Variants in AKT3 observed in about 807,000 individuals in gnomAD.
AKT3 encodes RAC-gamma serine/threonine-protein kinase.
A neutral mutation model predicts 65.3 loss-of-function variants in AKT3; 15 were observed. That is an observed-to-expected ratio of 0.23 (90% confidence interval 0.15 to 0.35). The LOEUF is 0.35. Among genes scored for constraint, AKT3 ranks in the 10% least tolerant of loss-of-function variants. The pLI is 1.00. For missense variants in AKT3, 243 were observed against 576.5 expected (o/e 0.42, Z 5.92); for synonymous variants, 206 against 183.8 (o/e 1.12, Z -0.98).
At chr1:243,653,593 G>A (rs1045899752) in intron 4 of AKT3, among the ~76,000 whole-genome samples, 3 of 152,160 alleles carry the variant, frequency 2.0e-5, no homozygotes, top group Non-Finnish European at 2.9e-5. Flanking sequence ...TGAGTGTAGT[G>A]TTCTATAAAT....
chr1:243,674,357 T>C (rs375770197), intron 3 of AKT3, among the ~76,000 whole-genome samples: 6 of 151,890 alleles, frequency 4.0e-5, no homozygotes, highest in African/African-American at 1.2e-4. Context: ...TGAACAATGA[T>C]AGCATTACTA....
intron 4 of AKT3, among the ~76,000 whole-genome samples, chr1:243,662,361 G>A (rs1264997755): frequency 6.6e-6 from 1 of 152,018 alleles, no homozygotes; most frequent in Non-Finnish European, 1.5e-5. Flanking sequence ...ATACACCATG[G>A]AATACTATGC....
At chr1:243,842,786 G>A (rs374267171) in intron 2 of AKT3, among the ~76,000 whole-genome samples, 10 of 151,980 alleles carry the variant, frequency 6.6e-5, no homozygotes, top group Admixed American at 2.6e-4. Flanking sequence ...ATATAGGATC[G>A]TACTTTTACA....
intron 9 of AKT3, among the ~76,000 whole-genome samples, chr1:243,565,220 G>T (rs1387030067): frequency 2.0e-5 from 3 of 152,002 alleles, no homozygotes; most frequent in Non-Finnish European, 4.4e-5. Context: ...AAAATATACT[G>T]CTGAACCTTT....
At chr1:243,520,295 G>A (rs1670640674) in intron 12 of AKT3, among the ~76,000 whole-genome samples, 1 of 152,198 alleles carries the variant, frequency 6.6e-6, no homozygotes, top group Non-Finnish European at 1.5e-5. Context: ...ACGGCCATCT[G>A]CAAGCCACGG....
At chr1:243,750,651 A>G (rs185866186) in intron 2 of AKT3, among the ~76,000 whole-genome samples, 22 of 149,212 alleles carry the variant, frequency 1.5e-4, no homozygotes, top group Admixed American at 1.2e-3. Flanking sequence ...GCACAATCTC[A>G]GTTCACTGCA....
At chr1:243,567,487 CTTT>C (rs993323556) in intron 9 of AKT3, among the ~76,000 whole-genome samples, 1 of 122,316 alleles carries the variant, frequency 8.2e-6, no homozygotes, top group African/African-American at 3.2e-5. Context: ...TTGTTTCTTC[CTTT>C]TTTTTTTTTT....
chr1:243,748,832 C>A (rs1688632409), intron 2 of AKT3, among the ~76,000 whole-genome samples: 1 of 152,012 alleles, frequency 6.6e-6, no homozygotes, highest in Admixed American at 6.6e-5. Context: ...TTTCAAAGCC[C>A]CAATCTTGAG....
intron 6 of AKT3, among the ~76,000 whole-genome samples, chr1:243,620,661 C>A (rs1162196152): frequency 6.6e-6 from 1 of 152,146 alleles, no homozygotes; most frequent in Non-Finnish European, 1.5e-5. Flanking sequence ...AGCTGTCAGA[C>A]TGTCTTCTGT....
At chr1:243,757,815 T>C (rs777074293) in intron 2 of AKT3, among the ~76,000 whole-genome samples, 6 of 151,824 alleles carry the variant, frequency 4.0e-5, no homozygotes, top group Non-Finnish European at 5.9e-5. Context: ...GGCTGAAGTA[T>C]AGTGGCGCAA....
Position 243,609,044 on chromosome 1 carries a change from G to A in AKT3, c.696+4627C>T, listed in dbSNP as rs148391828. Among the ~76,000 whole-genome samples the A allele has an allele frequency of 5.1e-3, 781 of 151,888 alleles. 10 individuals are homozygous for A. Among genetic ancestry groups the A allele is most frequent in the African/African-American group, 0.018 (736 of 41,384 alleles). ...TGGGATTACAGGTGTGAGCCACGAC[G>A]CCTGGTCGTTTTCTGCATTTTTATA... On this transcript the variant is annotated intron_variant, in intron 8 of 13. Transcript: ENST00000673466.
At chr1:243,708,013 T>A (rs1685913984) in intron 2 of AKT3, among the ~76,000 whole-genome samples, 1 of 152,104 alleles carries the variant, frequency 6.6e-6, no homozygotes. Flanking sequence ...TATTAAAAAG[T>A]GTGGCTTCAA....
chr1:243,742,029 C>T (rs1420901369), intron 2 of AKT3, among the ~76,000 whole-genome samples: 3 of 141,330 alleles, frequency 2.1e-5, no homozygotes, highest in Non-Finnish European at 4.6e-5. Flanking sequence ...GTTTCTCATC[C>T]ACAGATTCAA....
intron 2 of AKT3, among the ~76,000 whole-genome samples, chr1:243,773,123 A>G (rs1690300715): frequency 6.6e-6 from 1 of 151,474 alleles, no homozygotes; most frequent in South Asian, 2.1e-4. Context: ...CCAACATGGC[A>G]CATGTATACA....
At chr1:243,561,564 A>C (rs1183489881) in intron 10 of AKT3, among the ~76,000 whole-genome samples, 2 of 152,172 alleles carry the variant, frequency 1.3e-5, no homozygotes, top group Non-Finnish European at 2.9e-5. Flanking sequence ...GCTATCTATC[A>C]TCAAAGATTA....
intron 2 of AKT3, among the ~76,000 whole-genome samples, chr1:243,819,698 C>T (rs1281123482): frequency 6.6e-6 from 1 of 150,570 alleles, no homozygotes; most frequent in Admixed American, 6.6e-5. Context: ...CTGAGAGAGA[C>T]CCCCCCAACA....
At chr1:243,772,601 G>A (rs941008049) in intron 2 of AKT3, among the ~76,000 whole-genome samples, 2 of 152,030 alleles carry the variant, frequency 1.3e-5, no homozygotes, top group African/African-American at 4.8e-5. Context: ...ACTGTAAACT[G>A]GTTCAACCAT....
chr1:243,663,808 ATGGTGGTTTTGTGAC>A (rs1456655385), intron 4 of AKT3, among the ~76,000 whole-genome samples: 2 of 152,204 alleles, frequency 1.3e-5, no homozygotes, highest in Non-Finnish European at 2.9e-5. Context: ...CATGTGCAGG[ATGGTGGTTTTGTGAC>A]TGTGGTCACT....
At chr1:243,780,446 T>C (rs939890985) in intron 2 of AKT3, among the ~76,000 whole-genome samples, 20 of 152,104 alleles carry the variant, frequency 1.3e-4, no homozygotes, top group African/African-American at 4.8e-4. Context: ...GATACCACTT[T>C]TGTTTCAGGA....
Sources: gnomAD v4.1 joint callset for allele counts (sites outside exome capture counted in the v4.1 genomes callset) on GRCh38, gnomAD v4.1.1 for gene constraint, MANE v1.5 for transcripts, NCBI Gene and HGNC (gene_info 2026-07-23, HGNC 2026-07-21) for gene names.